Variants in RELB observed in about 807,000 individuals in gnomAD.
RELB encodes RELB proto-oncogene, NF-kB subunit.
Under a neutral mutation model 55.4 loss-of-function variants are expected in RELB, and 14 were observed. That is an observed-to-expected ratio of 0.25 (90% CI 0.17 to 0.40). The LOEUF (loss-of-function observed/expected upper bound fraction) is 0.40, where lower values mean the gene tolerates loss of function less well. Among genes scored for constraint, RELB ranks in the 10% least tolerant of loss-of-function variants. The pLI is 1.00. For missense variants in RELB, 669 were observed against 830.7 expected, an observed-to-expected ratio of 0.81 and a Z score of 2.39; for synonymous variants, 409 against 371.3, an observed-to-expected ratio of 1.10 and a Z score of -1.17.
intron 2 of RELB, among the ~76,000 whole-genome samples, chr19:45,007,278 C>A (rs1382597845): frequency 6.6e-6 from 1 of 152,162 alleles, no homozygotes; most frequent in African/African-American, 2.4e-5. Flanking sequence ...TAAAGGGAGG[C>A]ACTGCTATTT....
At chr19:45,024,842 G>A (rs1279922723) in intron 5 of RELB, among the ~76,000 whole-genome samples, 2 of 151,330 alleles carry the variant, frequency 1.3e-5, no homozygotes, top group Non-Finnish European at 2.9e-5. Flanking sequence ...GAGCCACCAC[G>A]TCTGGCCAAA....
chr19:45,006,562 G>A (rs957278860), intron 2 of RELB, among the ~76,000 whole-genome samples: 4 of 152,036 alleles, frequency 2.6e-5, no homozygotes, highest in South Asian at 4.1e-4. Context: ...GATAAAATGA[G>A]GAGAAACAGA....
In RELB at chr19:45,022,192, A is replaced by C. The variant is rs1194982645; in HGVS notation, c.644A>C (p.His215Pro). ...DGICRVRLRP[H>P]VSPRHSFNNL... Reference sequence around the variant, plus strand: ...ATCTGCAGGGTGCGGCTCCGGCCTCACGTCAGCCCCCGGCACAGGTACCCA... The same window carrying C: ...ATCTGCAGGGTGCGGCTCCGGCCTCCCGTCAGCCCCCGGCACAGGTACCCA... Residue 215 changes from histidine (H) to proline (P), a missense_variant, in exon 5 of 12, where the codon CAC becomes CCC. Coordinates refer to ENST00000221452, the MANE Select transcript of RELB (RefSeq NM_006509.4). 4 of 1,604,664 alleles carry C rather than the reference A, an allele frequency of 2.5e-6. No individual in the cohort carries two copies. Among genetic ancestry groups the C allele is most frequent in the Non-Finnish European group, 3.4e-6 (4 of 1,177,396 alleles).
At chr19:45,034,159 AAAATAAAT>A (rs36092616) in intron 9 of RELB, 77 bp from the exon 10 acceptor site, 379 of 929,138 alleles carry the variant, frequency 4.1e-4, no homozygotes, top group Non-Finnish European at 5.1e-4. Flanking sequence ...ACTGTCTCTA[AAAATAAAT>A]AAATAAATAA....
At chr19:45,035,777 G>C (rs1282978533) in intron 11 of RELB, among the ~76,000 whole-genome samples, 1 of 152,236 alleles carries the variant, frequency 6.6e-6, no homozygotes, top group Non-Finnish European at 1.5e-5. Flanking sequence ...AGTGAGCCAA[G>C]ATGGTGCCAC....
intron 4 of RELB, among the ~76,000 whole-genome samples, chr19:45,016,917 C>T (rs1971426340): frequency 6.6e-6 from 1 of 152,120 alleles, no homozygotes; most frequent in Non-Finnish European, 1.5e-5. Flanking sequence ...GGGATCTGGT[C>T]ATTTTAAACA....
At chr19:45,009,900 T>G in intron 3 of RELB, 78 bp downstream of exon 3, 9 of 1,279,650 alleles carry the variant, frequency 7.0e-6, no homozygotes, top group Non-Finnish European at 7.9e-6. Context: ...CCTTCCTTGT[T>G]CAGTGGGGGT....
chr19:45,025,564 C>T (rs755724833), intron 6 of RELB, 42 bp from the exon 7 acceptor site: 5 of 1,611,990 alleles, frequency 3.1e-6, no homozygotes, highest in Non-Finnish European at 3.4e-6. Flanking sequence ...CAGAGAGGGT[C>T]TCCACTTCCC....
intron 11 of RELB, 54 bp downstream of exon 11, chr19:45,034,582 G>T: frequency 6.7e-7 from 1 of 1,494,082 alleles, no homozygotes; most frequent in South Asian, 1.2e-5. Context: ...GAGGGTAAGT[G>T]GCAGCCCTGC....
rs200605782 is a variant in RELB, at chr19:45,025,451, C to A, written c.754+31C>A. 64 of 1,591,306 alleles carry A rather than the reference C, an allele frequency of 4.0e-5. No individual in the cohort carries two copies. The East Asian group carries it at 1.4e-3, about 35-fold the overall frequency. ...CACCCCCTGCCTGACCTGACCATCC[C>A]GTCCTCCCAAACCCCTTGACTTCCG... On this transcript the variant is annotated intron_variant, in intron 6 of 11. Transcript: ENST00000221452.
chr19:45,021,511 ATAT>A (rs1971487895), intron 4 of RELB, among the ~76,000 whole-genome samples: 2 of 147,440 alleles, frequency 1.4e-5, no homozygotes, highest in Non-Finnish European at 3.0e-5. Context: ...TGTAGGGCAG[ATAT>A]TATATGAGGC....
intron 7 of RELB, 42 bp downstream of exon 7, chr19:45,025,779 G>A (rs762937918): frequency 3.7e-6 from 6 of 1,612,274 alleles, no homozygotes; most frequent in Middle Eastern, 1.7e-4. Flanking sequence ...GCCCTTGGCT[G>A]CAGGTGTCAG....
chr19:45,018,519 T>G (rs1971447101), intron 4 of RELB, among the ~76,000 whole-genome samples: 3 of 147,550 alleles, frequency 2.0e-5, no homozygotes, highest in African/African-American at 2.5e-5. Flanking sequence ...GAGGCAGGGG[T>G]TGCAGTGAGC....
intron 8 of RELB, 102 bp from the exon 9 acceptor site, chr19:45,032,432 A>G (rs748631733): frequency 3.0e-6 from 3 of 999,688 alleles, no homozygotes; most frequent in Non-Finnish European, 4.5e-6. Context: ...AAAAATTTTA[A>G]AAAGGGGGAA....
chr19:45,003,778 G>T (rs1167719475), intron 2 of RELB, among the ~76,000 whole-genome samples: 1 of 151,592 alleles, frequency 6.6e-6, no homozygotes, highest in Non-Finnish European at 1.5e-5. Flanking sequence ...AGCAGTATCT[G>T]GCACACAGTA....
intron 2 of RELB, chr19:45,008,685 C>G (rs536563900): frequency 1.0e-5 from 4 of 388,440 alleles, no homozygotes; most frequent in South Asian, 5.5e-5. Flanking sequence ...GAGCCACTCC[C>G]TGAGAACAGA....
intron 1 of RELB, 40 bp from the exon 2 acceptor site, chr19:45,002,909 G>T: frequency 6.3e-7 from 1 of 1,577,090 alleles, no homozygotes; most frequent in Non-Finnish European, 8.7e-7. Context: ...TCCTCTGGCT[G>T]CCCCCCATCA....
intron 4 of RELB, among the ~76,000 whole-genome samples, chr19:45,021,290 G>A (rs996635510): frequency 1.2e-4 from 18 of 151,780 alleles, no homozygotes; most frequent in African/African-American, 3.9e-4. Flanking sequence ...TGGCGAACAC[G>A]GTGAAACCCC....
At chr19:45,025,183 G>T in intron 5 of RELB, 146 bp from the exon 6 acceptor site, 1 of 645,984 alleles carries the variant, frequency 1.5e-6, no homozygotes. Flanking sequence ...ACCCCAGACC[G>T]TTTCTAATGC....
Sources: gnomAD v4.1 joint callset for allele counts (sites outside exome capture counted in the v4.1 genomes callset) on GRCh38, gnomAD v4.1.1 for gene constraint, MANE v1.5 for transcripts, NCBI Gene and HGNC (gene_info 2026-07-23, HGNC 2026-07-21) for gene names.